Variants in KIAA1958 observed in about 807,000 individuals in gnomAD.
KIAA1958 encodes the protein uncharacterized protein KIAA1958.
In KIAA1958, 14 loss-of-function variants were observed where a neutral mutation model predicts 47.2. That is an observed-to-expected ratio of 0.30 (90% CI 0.20 to 0.46). KIAA1958 has a LOEUF of 0.46. Ranked by LOEUF, KIAA1958 falls within the 20% of genes least tolerant of loss-of-function variation. The pLI, the probability that KIAA1958 is intolerant of heterozygous loss-of-function variation, is 1.00. For synonymous variants in KIAA1958, 354 were observed against 353.3 expected, an observed-to-expected ratio of 1.00 and a Z score of -0.02; for missense variants, 803 against 909.2, an observed-to-expected ratio of 0.88 and a Z score of 1.50.
intron 1 of KIAA1958, among the ~76,000 whole-genome samples, chr9:112,552,981 C>T (rs1835178502): frequency 6.6e-6 from 1 of 152,080 alleles, no homozygotes; most frequent in African/African-American, 2.4e-5. Flanking sequence ...AGGAATGTCA[C>T]TTGAGAGATG....
intron 1 of KIAA1958, among the ~76,000 whole-genome samples, chr9:112,521,804 A>T (rs778884997): frequency 6.6e-6 from 1 of 151,952 alleles, no homozygotes; most frequent in Non-Finnish European, 1.5e-5. Flanking sequence ...TTAGTTTTTT[A>T]AAAAAATCAA....
In KIAA1958 at chr9:112,659,432, C is replaced by T. The variant is rs749121737; in HGVS notation, c.1514C>T (p.Ser505Phe). 11 of 1,614,142 alleles carry T rather than the reference C, an allele frequency of 6.8e-6. No homozygotes were observed. Among genetic ancestry groups the T allele is most frequent in the Non-Finnish European group, 8.5e-6 (10 of 1,180,026 alleles). ...GFSITSSTFS[S>F]STKKLKEKLW... is the part of the protein sequence containing the mutation. ...TCCATCACCAGCAGCACCTTCAGCT[C>T]CTCCACCAAGAAACTCAAGGAGAAG... is the stretch of plus-strand genomic sequence containing the variant. The change falls in exon 4 of 4, where the codon TCC becomes TTC. Residue 505 changes from serine (S) to phenylalanine (F), a missense_variant. Physicochemically the swap from Ser to Phe is radical, Grantham distance 155. This residue lies in a region of KIAA1958 where 761 missense variants were observed against 829.3 expected (regional missense o/e 0.92). Coordinates refer to ENST00000337530, the MANE Select transcript of KIAA1958 (RefSeq NM_133465.4).
At position 112,618,547 on chromosome 9, in the gene KIAA1958, T is replaced by A. The variant is rs1388523171; in HGVS notation, c.1172-27103T>A. The A allele has an allele frequency of 1.3e-6, 2 of 1,550,692 alleles. No individual in the cohort carries two copies. Among genetic ancestry groups the A allele is most frequent in the South Asian group, 1.2e-5 (1 of 84,068 alleles). On this transcript the variant is annotated intron_variant, in intron 2 of 3. Transcript: ENST00000337530. The surrounding 1 kb of genome is among the most constrained non-coding windows in gnomAD (Gnocchi z 7.1). Reference sequence around the variant, plus strand: ...CCCAGCACGCCCCACAGACCTGCCCTGTCCAGGACTATAAGGAGTATGCCC... The same window carrying A: ...CCCAGCACGCCCCACAGACCTGCCCAGTCCAGGACTATAAGGAGTATGCCC...
chr9:112,515,210 TG>T (rs1359409824), intron 1 of KIAA1958, among the ~76,000 whole-genome samples: 1 of 84,268 alleles, frequency 1.2e-5, no homozygotes, highest in African/African-American at 4.3e-5. Flanking sequence ...GGGAGGAAGG[TG>T]GGGGGGTCAG....
At chr9:112,500,434 T>C (rs1233014414) in intron 1 of KIAA1958, among the ~76,000 whole-genome samples, 1 of 152,036 alleles carries the variant, frequency 6.6e-6, no homozygotes, top group Non-Finnish European at 1.5e-5. Flanking sequence ...TTTATCCTAT[T>C]GATTAACCTT....
At chr9:112,600,247 C>A (rs1836105995) in intron 2 of KIAA1958, among the ~76,000 whole-genome samples, 1 of 152,094 alleles carries the variant, frequency 6.6e-6, no homozygotes, top group African/African-American at 2.4e-5. Context: ...CATCTGGTCT[C>A]CTTTTTGCCT....
chr9:112,572,285 CTTT>C (rs1257859025), intron 1 of KIAA1958, among the ~76,000 whole-genome samples: 1 of 152,084 alleles, frequency 6.6e-6, no homozygotes, highest in Non-Finnish European at 1.5e-5. Flanking sequence ...TATACGTTCA[CTTT>C]GTAAGTGTTG....
intron 1 of KIAA1958, among the ~76,000 whole-genome samples, chr9:112,491,675 A>G (rs1010920114): frequency 1.3e-5 from 2 of 152,084 alleles, no homozygotes; most frequent in African/African-American, 4.8e-5. Flanking sequence ...TTAATCATCA[A>G]GGATTTCATT....
intron 1 of KIAA1958, among the ~76,000 whole-genome samples, chr9:112,514,742 C>T (rs1281085547): frequency 1.1e-4 from 1 of 9,094 alleles, no homozygotes; most frequent in African/African-American, 5.4e-4. Flanking sequence ...TCTGCCCAGC[C>T]GCCCCTACTG....
intron 2 of KIAA1958, among the ~76,000 whole-genome samples, chr9:112,603,918 A>G (rs1382210441): frequency 1.3e-5 from 2 of 152,354 alleles, no homozygotes; most frequent in East Asian, 3.9e-4. Flanking sequence ...ACTGGTATGT[A>G]AAGAGAATTC....
chr9:112,636,465 G>A (rs1365058278), intron 2 of KIAA1958, among the ~76,000 whole-genome samples: 1 of 151,836 alleles, frequency 6.6e-6, no homozygotes, highest in Admixed American at 6.6e-5. Context: ...TGTCAGTTGT[G>A]GGAAAAGATG....
At chr9:112,501,174 T>C (rs1334947712) in intron 1 of KIAA1958, among the ~76,000 whole-genome samples, 1 of 150,700 alleles carries the variant, frequency 6.6e-6, no homozygotes, top group East Asian at 2.0e-4. Context: ...AATAATGAGA[T>C]TAAAAAGGAA....
intron 1 of KIAA1958, among the ~76,000 whole-genome samples, chr9:112,567,739 A>G (rs1457536693): frequency 6.6e-6 from 1 of 152,048 alleles, no homozygotes; most frequent in African/African-American, 2.4e-5. Flanking sequence ...TGGGTGGATC[A>G]CGAGGTCAGG....
chr9:112,494,414 G>A (rs145203727), intron 1 of KIAA1958, among the ~76,000 whole-genome samples: 2,245 of 149,138 alleles, frequency 0.015, 45 homozygotes, highest in African/African-American at 0.053. Context: ...TTTTATATTT[G>A]CTCTATTTTT....
chr9:112,640,379 G>A (rs753596996), intron 2 of KIAA1958, among the ~76,000 whole-genome samples: 41 of 152,070 alleles, frequency 2.7e-4, no homozygotes, highest in African/African-American at 8.4e-4. Flanking sequence ...ATTGCCTCTT[G>A]GTGATTTCTT....
At chr9:112,491,244 G>A (rs1175569804) in intron 1 of KIAA1958, among the ~76,000 whole-genome samples, 4 of 152,210 alleles carry the variant, frequency 2.6e-5, no homozygotes, top group Non-Finnish European at 4.4e-5. Context: ...AGGATTATAG[G>A]TGTGAACCAC....
intron 1 of KIAA1958, among the ~76,000 whole-genome samples, chr9:112,549,884 T>TAA (rs1259565860): frequency 6.6e-6 from 1 of 152,198 alleles, no homozygotes; most frequent in Non-Finnish European, 1.5e-5. Flanking sequence ...CCACAACAAA[T>TAA]AATTATCTAG....
chr9:112,504,492 A>G (rs1446095432), intron 1 of KIAA1958, among the ~76,000 whole-genome samples: 1 of 152,158 alleles, frequency 6.6e-6, no homozygotes. Flanking sequence ...CCCTGCCAAG[A>G]TTAACTATTT....
intron 2 of KIAA1958, among the ~76,000 whole-genome samples, chr9:112,581,026 C>A (rs1266680040): frequency 6.6e-6 from 1 of 152,098 alleles, no homozygotes. Context: ...AGCCTGGCCA[C>A]CCGGAGCTTA....
Sources: gnomAD v4.1 joint callset for allele counts (sites outside exome capture counted in the v4.1 genomes callset) on GRCh38, gnomAD v4.1.1 for gene constraint, gnomAD v4.1.1 regional missense constraint, Gnocchi (gnomAD v3.1) non-coding constraint, MANE v1.5 for transcripts, NCBI Gene and HGNC (gene_info 2026-07-23, HGNC 2026-07-21) for gene names.